PKP4: variants seen among roughly 807,000 people sequenced by gnomAD.
PKP4 encodes the protein plakophilin-4.
Under a neutral mutation model 145.1 loss-of-function variants are expected in PKP4, and 90 were observed. The observed-to-expected ratio is 0.62, with a 90% CI of 0.52 to 0.74. PKP4 has a LOEUF of 0.74. Ranked by LOEUF, PKP4 falls within the 30% of genes least tolerant of loss-of-function variation. PKP4 has a pLI of 0.00. For missense variants in PKP4, 1,340 were observed against 1,482.7 expected (o/e 0.90, Z 1.58); for synonymous variants, 563 against 577.2 (o/e 0.98, Z 0.35).
chr2:158,622,856 C>G (rs183814589), intron 6 of PKP4, among the ~76,000 whole-genome samples: 5 of 152,254 alleles, frequency 3.3e-5, no homozygotes, highest in Admixed American at 1.3e-4. Flanking sequence ...GGGAGTTCAT[C>G]CGCTTAGGTG....
intron 1 of PKP4, among the ~76,000 whole-genome samples, chr2:158,512,646 T>C (rs1211873113): frequency 1.3e-5 from 2 of 152,210 alleles, no homozygotes; most frequent in Non-Finnish European, 2.9e-5. Flanking sequence ...AACCTTTTGA[T>C]TTGTATAGGT....
chr2:158,597,480 C>A (rs2049853864), intron 3 of PKP4, among the ~76,000 whole-genome samples: 1 of 152,054 alleles, frequency 6.6e-6, no homozygotes. Flanking sequence ...ACTATGGTTA[C>A]AATGTGAAAA....
At chr2:158,567,665 T>C (rs954415752) in intron 2 of PKP4, among the ~76,000 whole-genome samples, 1 of 152,208 alleles carries the variant, frequency 6.6e-6, no homozygotes, top group Non-Finnish European at 1.5e-5. Context: ...AGTAAACCTT[T>C]TGTAAAACAT....
chr2:158,678,643 A>C lies in PKP4; in HGVS notation c.3319A>C (p.Arg1107=). Reference sequence around the variant, plus strand: ...TTCCTCACCAGCAAGAGAACAAAATAGACGGCTACAGGTGAATTTGCAATA... The same window carrying C: ...TTCCTCACCAGCAAGAGAACAAAATCGACGGCTACAGGTGAATTTGCAATA... ...SYSSPAREQN[R]RLQHQQLYYS... The change falls in exon 21 of 22, where the codon AGA becomes CGA. Residue 1107 remains arginine (R), a synonymous_variant. Coordinates refer to ENST00000389759, the MANE Select transcript of PKP4 (RefSeq NM_003628.6). The C allele has an allele frequency of 1.3e-6, 2 of 1,591,224 alleles. No individual in the cohort carries two copies. The highest frequency in any genetic ancestry group is 1.7e-6 in the Non-Finnish European group (2 of 1,159,226).
At chr2:158,459,558 G>A (rs1385037602) in intron 1 of PKP4, among the ~76,000 whole-genome samples, 1 of 152,180 alleles carries the variant, frequency 6.6e-6, no homozygotes, top group East Asian at 1.9e-4. Flanking sequence ...CATAATCAGT[G>A]AATCTTCTAA....
chr2:158,518,952 A>G (rs2105555602), intron 1 of PKP4, among the ~76,000 whole-genome samples: 1 of 152,246 alleles, frequency 6.6e-6, no homozygotes, highest in East Asian at 1.9e-4. Context: ...GTCCAGATGT[A>G]GCTTGTTTCA....
chr2:158,643,490 C>G (rs1478647476), intron 11 of PKP4, among the ~76,000 whole-genome samples: 1 of 152,010 alleles, frequency 6.6e-6, no homozygotes, highest in East Asian at 1.9e-4. Flanking sequence ...GCAAGAGGGT[C>G]ACTTGAGGCC....
At chr2:158,596,495 C>T (rs3771640) in intron 3 of PKP4, among the ~76,000 whole-genome samples, 108,382 of 151,882 alleles carry the variant, frequency 0.71, 39,918 homozygotes, top group Non-Finnish European at 0.8. Flanking sequence ...TTAATATACA[C>T]CTGATTCATG....
chr2:158,680,765 A>T lies in PKP4; in HGVS notation c.*88A>T. On this transcript the variant is annotated 3_prime_UTR_variant, in exon 22 of 22. Transcript: ENST00000389759. ...CCATCTTGCTGATTTGATGATTGAA[A>T]TGTGAAAGTGAAGTGGAAGGAATGA... 1 of 1,191,086 alleles carries T rather than the reference A, an allele frequency of 8.4e-7. No individual in the cohort carries two copies. Among genetic ancestry groups the T allele is most frequent in the Non-Finnish European group, 1.2e-6 (1 of 844,880 alleles). 73.8% of individuals were successfully genotyped at this position (1,191,086 alleles called of 1,614,324 possible). A position where few individuals can be genotyped will look rare whatever the true frequency, so the allele number is the denominator to read the frequency against.
chr2:158,520,192 A>G (rs1279323511), intron 1 of PKP4, among the ~76,000 whole-genome samples: 1 of 152,178 alleles, frequency 6.6e-6, no homozygotes, highest in Non-Finnish European at 1.5e-5. Flanking sequence ...ATAAGGCCAG[A>G]GGAGCACCAC....
chr2:158,490,798 G>A (rs976434615), intron 1 of PKP4, among the ~76,000 whole-genome samples: 1 of 152,060 alleles, frequency 6.6e-6, no homozygotes, highest in African/African-American at 2.4e-5. Flanking sequence ...TCACATTGCT[G>A]GTCTTTATTT....
intron 4 of PKP4, among the ~76,000 whole-genome samples, chr2:158,606,671 G>A (rs928975786): frequency 1.3e-5 from 2 of 152,040 alleles, no homozygotes; most frequent in Admixed American, 6.6e-5. Flanking sequence ...GAGAAATGGG[G>A]AACATACTGT....
chr2:158,663,455 C>T lies in PKP4; in HGVS notation c.2577+10C>T, dbSNP rs1192978227. 1 of 1,605,950 alleles carries T rather than the reference C, an allele frequency of 6.2e-7. No homozygotes were observed. The highest frequency in any genetic ancestry group is 8.5e-7 in the Non-Finnish European group (1 of 1,174,694). ...TGCTGGCAACTGGAAGGTAGGATGA[C>T]TTCCACTTATCTACACTTCTTTCCA... On this transcript the variant is annotated intron_variant, in intron 15 of 21. Coordinates refer to ENST00000389759, the MANE Select transcript of PKP4 (RefSeq NM_003628.6).
At chr2:158,463,033 A>G (rs746404323) in intron 1 of PKP4, among the ~76,000 whole-genome samples, 17 of 152,226 alleles carry the variant, frequency 1.1e-4, no homozygotes, top group Non-Finnish European at 1.6e-4. Flanking sequence ...TGTCAAAATG[A>G]TTATGGATTT....
chr2:158,566,268 G>A (rs1232401347), intron 2 of PKP4, among the ~76,000 whole-genome samples: 1 of 152,040 alleles, frequency 6.6e-6, no homozygotes, highest in Non-Finnish European at 1.5e-5. Context: ...ATTTAGCCTT[G>A]TTGTTTCTCT....
intron 1 of PKP4, among the ~76,000 whole-genome samples, chr2:158,487,154 T>G (rs2105452466): frequency 6.6e-6 from 1 of 152,092 alleles, no homozygotes; most frequent in East Asian, 1.9e-4. Context: ...CCCGTGGGAG[T>G]GATTTTCACA....
At chr2:158,461,290 A>G (rs529991074) in intron 1 of PKP4, among the ~76,000 whole-genome samples, 1 of 152,330 alleles carries the variant, frequency 6.6e-6, no homozygotes, top group African/African-American at 2.4e-5. Context: ...GGAATGTTGC[A>G]GACATTTTCT....
At chr2:158,496,041 C>T (rs1047527827) in intron 1 of PKP4, among the ~76,000 whole-genome samples, 1 of 151,800 alleles carries the variant, frequency 6.6e-6, no homozygotes, top group Non-Finnish European at 1.5e-5. Context: ...AATGTAGTGG[C>T]GCAATCTCAG....
intron 3 of PKP4, among the ~76,000 whole-genome samples, chr2:158,600,967 C>T (rs1042868134): frequency 6.6e-6 from 1 of 152,100 alleles, no homozygotes; most frequent in Non-Finnish European, 1.5e-5. Context: ...TGTTACACAA[C>T]GAGGTTGCTG....
Sources: allele counts gnomAD v4.1 joint callset (sites outside exome capture counted in the v4.1 genomes callset), GRCh38; gene constraint gnomAD v4.1.1; transcripts MANE v1.5; gene names NCBI Gene and HGNC (gene_info 2026-07-23, HGNC 2026-07-21).